Variants in EVI5L observed in about 807,000 individuals in gnomAD.
The protein encoded by EVI5L is EVI5-like protein.
A neutral mutation model predicts 106.1 loss-of-function variants in EVI5L; 30 were observed. That is an observed-to-expected ratio of 0.28 (90% CI 0.21 to 0.38). The LOEUF (loss-of-function observed/expected upper bound fraction) is 0.38, where lower values mean the gene tolerates loss of function less well. EVI5L is among the 10% of genes least tolerant of loss of function. The pLI is 1.00. For synonymous variants in EVI5L, 489 were observed against 483.3 expected (o/e 1.01, Z -0.15); for missense variants, 809 against 1,098.0 (o/e 0.74, Z 3.72).
intron 1 of EVI5L, among the ~76,000 whole-genome samples, chr19:7,842,467 C>G (rs981026364): frequency 2.0e-5 from 3 of 148,026 alleles, no homozygotes; most frequent in African/African-American, 7.5e-5. Flanking sequence ...GTGTGTGTAT[C>G]AAGTGTGTGC....
At chr19:7,846,793 CCACCTCCAGATGCTGGATGAGGGACAGA>C in intron 2 of EVI5L, 114 bp downstream of exon 2, 2 of 1,368,966 alleles carry the variant, frequency 1.5e-6, no homozygotes, top group Non-Finnish European at 2.0e-6. Context: ...AATGTGACAG[CCACCTCCAGATGCTGGATGAGGGACAGA>C]CACCTCCTTT....
rs1014719024 is a variant in EVI5L at position 7,835,565 on chromosome 19, G to A, written c.-48+5184G>A. ...TAGAGGAAGGATTTGAACCCAGGCT[G>A]CAAGCTCTGAAGTTCTCACCTGGAG... is the stretch of plus-strand genomic sequence containing the variant. On this transcript the variant is annotated intron_variant, in intron 1 of 19. Transcript: ENST00000538904. This position sits in a 1 kb window ranked among gnomAD's most constrained non-coding sequence, Gnocchi z 4.1. Among the ~76,000 whole-genome samples the A allele has an allele frequency of 3.3e-5, 5 of 152,170 alleles. No individual in the cohort carries two copies. The highest frequency in any genetic ancestry group is 1.3e-4 in the Admixed American group (2 of 15,260).
Position 7,849,014 on chromosome 19 carries a change from T to G in EVI5L, c.421T>G (p.Ser141Ala). 1.3e-5 allele frequency: 21 copies of G among 1,613,574 alleles called. No homozygotes were observed. Among genetic ancestry groups the G allele is most frequent in the Non-Finnish European group, 1.7e-5 (20 of 1,180,026 alleles). ...GGACATGCCCGTCAAGAACCAGTAC[T>G]CCGAGCTGCTCAAGATGTCCTCGCC... Reference protein sequence around the residue: ...ATDMPVKNQYSELLKMSSPCE... With the variant: ...ATDMPVKNQYAELLKMSSPCE... Residue 141 changes from serine to alanine, a missense_variant, in exon 4 of 20, where the codon TCC (serine) becomes GCC (alanine). Ser to Ala is a moderately conservative substitution (Grantham distance 99, BLOSUM62 1). Around this residue, in one of 2 missense-constraint regions of EVI5L, gnomAD observed 357 missense variants for 588.1 expected, o/e 0.61. Transcript: ENST00000538904.
Position 7,857,024 on chromosome 19 carries a change from C to T in EVI5L, c.1201-68C>T. 2.0e-6 allele frequency: 3 copies of T among 1,519,638 alleles called. No homozygotes were observed. Among genetic ancestry groups the T allele is most frequent in the Non-Finnish European group, 1.8e-6 (2 of 1,117,896 alleles). 94.1% of individuals were successfully genotyped at this position (1,519,638 alleles called of 1,614,324 possible). On this transcript the variant is annotated intron_variant, in intron 11 of 19. Coordinates refer to ENST00000538904, the MANE Select transcript of EVI5L (RefSeq NM_001159944.3). The surrounding 1 kb of genome is among the most constrained non-coding windows in gnomAD (Gnocchi z 4.5). ...GACAAGTGGTTCTTGTCTGTCTCCC[C>T]TCTCCTGTCCCCGCGCCTTCCGCTC...
chr19:7,858,295 G>A lies in EVI5L; in HGVS notation c.1338G>A (p.Lys446=). ...QCSSAAEDLQ[K]AQSTIRQLQE... Reference sequence around the variant, plus strand: ...GCTCGGCGGCCGAGGACCTGCAGAAGGCACAGAGCACCATCCGGCAGCTAC... The same window carrying A: ...GCTCGGCGGCCGAGGACCTGCAGAAAGCACAGAGCACCATCCGGCAGCTAC... The change falls in exon 13 of 20, where the codon AAG becomes AAA. Residue 446 remains lysine (K), a synonymous_variant. Transcript: ENST00000538904. The surrounding 1 kb of genome is among the most constrained non-coding windows in gnomAD (Gnocchi z 5.7). 1.9e-6 allele frequency: 3 copies of A among 1,550,112 alleles called. No homozygotes were observed. Among genetic ancestry groups the A allele is most frequent in the Non-Finnish European group, 2.6e-6 (3 of 1,147,442 alleles).
At chr19:7,843,658 G>C (rs1052089640) in intron 1 of EVI5L, among the ~76,000 whole-genome samples, 5 of 150,894 alleles carry the variant, frequency 3.3e-5, no homozygotes, top group African/African-American at 1.2e-4. Flanking sequence ...GTGTGCATGT[G>C]TGTGTATAGG....
chr19:7,853,487 TC>T (rs917840966), intron 10 of EVI5L, 154 bp downstream of exon 10: 1 of 1,008,938 alleles, frequency 9.9e-7, no homozygotes, highest in African/African-American at 1.6e-5. Flanking sequence ...ACCTGCGCCG[TC>T]CTTCACCTGT....
intron 5 of EVI5L, 128 bp from the exon 6 acceptor site, chr19:7,849,869 T>G (rs1364651577): frequency 1.4e-6 from 1 of 723,598 alleles, no homozygotes; most frequent in Non-Finnish European, 2.3e-6. Context: ...CAACAGTGTG[T>G]CATGAGAGTC....
chr19:7,838,119 T>C (rs1978432259), intron 1 of EVI5L, among the ~76,000 whole-genome samples: 1 of 152,064 alleles, frequency 6.6e-6, no homozygotes, highest in South Asian at 2.1e-4. Flanking sequence ...TGTTTTGTTT[T>C]GTTTTTTGAG....
At chr19:7,844,013 C>G (rs1463458170) in intron 1 of EVI5L, among the ~76,000 whole-genome samples, 3 of 152,002 alleles carry the variant, frequency 2.0e-5, no homozygotes, top group African/African-American at 7.3e-5. Context: ...GCTGAACAAC[C>G]TCTGCTGGTG....
In EVI5L at chr19:7,848,597, C is replaced by CA. The variant is rs911142616; in HGVS notation, c.328-311dup. Among the ~76,000 whole-genome samples the CA allele has an allele frequency of 1.5e-3, 205 of 139,042 alleles. No individual in the cohort carries two copies. Among genetic ancestry groups the CA allele is most frequent in the Non-Finnish European group, 2.0e-3 (129 of 63,616 alleles). The allele number at this position is 139,042 out of a possible 152,430, so 91.2% of individuals were successfully genotyped here. A position where few individuals can be genotyped will look rare whatever the true frequency, so the allele number is the denominator to read the frequency against. ...TGGGCAACAGAGTGAGACTCCATCT[C>CA]AAAAAAAAAAAAAGTTTAAAAATTA... On this transcript the variant is annotated intron_variant, in intron 3 of 19. Coordinates refer to ENST00000538904, the MANE Select transcript of EVI5L (RefSeq NM_001159944.3). The surrounding 1 kb of genome is among the most constrained non-coding windows in gnomAD (Gnocchi z 4.8).
In EVI5L at chr19:7,858,180, G is replaced by A. The variant is rs369044145; in HGVS notation, c.1234-11G>A. 4.5e-6 allele frequency: 7 copies of A among 1,554,390 alleles called. No homozygotes were observed. The highest frequency in any genetic ancestry group is 1.2e-5 in the South Asian group (1 of 84,342). On this transcript the variant is annotated splice_polypyrimidine_tract_variant and intron_variant, in intron 12 of 19. Transcript: ENST00000538904. This position sits in a 1 kb window ranked among gnomAD's most constrained non-coding sequence, Gnocchi z 5.7. ...CGGCCTCCCCCTGCCCCCTGTCCTC[G>A]CTGTTCTCAGGGGCAAGTGACACGG...
Position 7,851,716 on chromosome 19 carries a change from G to A in EVI5L, c.933G>A (p.Leu311=). 2 of 1,555,662 alleles carry A rather than the reference G, an allele frequency of 1.3e-6. No individual in the cohort carries two copies. Among genetic ancestry groups the A allele is most frequent in the Non-Finnish European group, 1.7e-6 (2 of 1,154,596 alleles). Reference sequence around the variant, plus strand: ...TCGTGTTCCGAGTGGGCCTCGCCCTGCTGCAGGTGAACCAGGCAGAGCTGA... The same window carrying A: ...TCGTGTTCCGAGTGGGCCTCGCCCTACTGCAGGTGAACCAGGCAGAGCTGA... The part of the protein sequence containing the change: ...LEIVFRVGLA[L]LQVNQAELMQ... The change falls in exon 8 of 20, where the codon CTG becomes CTA. Residue 311 remains leucine, a synonymous_variant. Transcript: ENST00000538904.
chr19:7,844,797 A>C (rs971252367), intron 1 of EVI5L, among the ~76,000 whole-genome samples: 3 of 152,212 alleles, frequency 2.0e-5, no homozygotes, highest in African/African-American at 7.2e-5. Flanking sequence ...TGAGGGCCCA[A>C]GGTAGAACCA....
intron 1 of EVI5L, among the ~76,000 whole-genome samples, chr19:7,844,303 G>A (rs886815266): frequency 6.8e-6 from 1 of 147,098 alleles, no homozygotes; most frequent in Non-Finnish European, 1.5e-5. Context: ...TTGCACTCCA[G>A]CCTGGGCAAC....
At chr19:7,839,229 G>A (rs1978487964) in intron 1 of EVI5L, among the ~76,000 whole-genome samples, 1 of 151,042 alleles carries the variant, frequency 6.6e-6, no homozygotes, top group South Asian at 2.1e-4. Context: ...CGTGAACCCA[G>A]GAGGCGGAGC....
chr19:7,853,931 T>C (rs1264648677), intron 10 of EVI5L, among the ~76,000 whole-genome samples: 1 of 152,212 alleles, frequency 6.6e-6, no homozygotes, highest in African/African-American at 2.4e-5. Context: ...TGTGCAAAGC[T>C]TCTCTCTCCT....
At chr19:7,833,705 T>TTG (rs1978306719) in intron 1 of EVI5L, among the ~76,000 whole-genome samples, 1 of 152,168 alleles carries the variant, frequency 6.6e-6, no homozygotes, top group African/African-American at 2.4e-5. Flanking sequence ...ATAGGCGTCT[T>TTG]ACTACAAGCC....
intron 1 of EVI5L, among the ~76,000 whole-genome samples, chr19:7,844,715 A>T (rs1332004024): frequency 6.6e-6 from 1 of 152,164 alleles, no homozygotes; most frequent in African/African-American, 2.4e-5. Flanking sequence ...GCCCTGGCCC[A>T]CTTGGCAATG....
Sources: gnomAD v4.1 joint callset for allele counts (sites outside exome capture counted in the v4.1 genomes callset) on GRCh38, gnomAD v4.1.1 for gene constraint, gnomAD v4.1.1 regional missense constraint, Gnocchi (gnomAD v3.1) non-coding constraint, MANE v1.5 for transcripts, NCBI Gene and HGNC (gene_info 2026-07-23, HGNC 2026-07-21) for gene names.